The following FMNL2 variants were observed in gnomAD, a reference collection of about 807,000 sequenced individuals.
The protein encoded by FMNL2 is formin-like protein 2.
Under a neutral mutation model 130.2 loss-of-function variants are expected in FMNL2, and 51 were observed. The ratio of observed to expected loss-of-function variants is 0.39; its 90% confidence interval spans 0.31 to 0.49. FMNL2 has a LOEUF of 0.49. Ranked by LOEUF, FMNL2 falls within the 20% of genes least tolerant of loss-of-function variation. The pLI, the probability that FMNL2 is intolerant of heterozygous loss-of-function variation, is 0.85. For missense variants in FMNL2, 977 were observed against 1,316.2 expected, an observed-to-expected ratio of 0.74 and a Z score of 3.99; for synonymous variants, 465 against 467.1, an observed-to-expected ratio of 1.00 and a Z score of 0.06.
chr2:152,557,769 T>A (rs1239451332), intron 4 of FMNL2, among the ~76,000 whole-genome samples: 1 of 152,208 alleles, frequency 6.6e-6, no homozygotes, highest in Non-Finnish European at 1.5e-5. Flanking sequence ...CTGGTCAGAC[T>A]TTTTAGCTTG....
At chr2:152,624,043 T>TC (rs1449467880) in intron 15 of FMNL2, among the ~76,000 whole-genome samples, 7 of 11,392 alleles carry the variant, frequency 6.1e-4, no homozygotes, top group South Asian at 4.5e-3. Flanking sequence ...TTCCTTCCCT[T>TC]CCCTCCCCTC....
intron 9 of FMNL2, among the ~76,000 whole-genome samples, chr2:152,586,617 C>T (rs73008190): frequency 0.046 from 6,995 of 152,194 alleles, 548 homozygotes; most frequent in African/African-American, 0.16. Flanking sequence ...GAACTATAAG[C>T]AATGTATTCT....
At chr2:152,574,293 G>T (rs1696342296) in intron 6 of FMNL2, among the ~76,000 whole-genome samples, 1 of 151,610 alleles carries the variant, frequency 6.6e-6, no homozygotes, top group African/African-American at 2.4e-5. Flanking sequence ...AAAATTAGCG[G>T]GGCATGGTGG....
rs371211496 is a variant in FMNL2, at chr2:152,422,472, T to A, written c.117+86752T>A. Among the ~76,000 whole-genome samples, 23 of 152,328 alleles carry A rather than the reference T, an allele frequency of 1.5e-4. No homozygotes were observed. The East Asian group carries it at 4.2e-3, about 28-fold the overall frequency. On this transcript the variant is annotated intron_variant, in intron 1 of 25. Transcript: ENST00000288670. ...TTAATGGCTTTATTGAGGTATACTTTAAATGCCATAAAATTCACTCATTTT... is the reference window on the plus strand; with the variant it reads ...TTAATGGCTTTATTGAGGTATACTTAAAATGCCATAAAATTCACTCATTTT...
Position 152,611,569 on chromosome 2 carries a change from T to C in FMNL2, c.1026T>C (p.Tyr342=), listed in dbSNP as rs912975037. ...EDMNFRVHLQ[Y]EFTKLGLDEY... ...TGAATTTCAGAGTTCACCTGCAGTA[T>C]GAATTTACCAAATTAGGCCTGGACG... Residue 342 remains tyrosine, a synonymous_variant, in exon 11 of 26, where the codon TAT becomes TAC. Transcript: ENST00000288670. The C allele has an allele frequency of 3.1e-6, 5 of 1,604,316 alleles. No homozygotes were observed. Among genetic ancestry groups the C allele is most frequent in the Non-Finnish European group, 4.3e-6 (5 of 1,174,368 alleles).
intron 11 of FMNL2, among the ~76,000 whole-genome samples, chr2:152,614,443 G>A (rs146163328): frequency 1.3e-5 from 2 of 152,264 alleles, no homozygotes; most frequent in East Asian, 1.9e-4. Context: ...ACTATTTGTC[G>A]AAAAGAAAAC....
chr2:152,458,438 C>T (rs1225899177), intron 1 of FMNL2, among the ~76,000 whole-genome samples: 1 of 152,212 alleles, frequency 6.6e-6, no homozygotes, highest in African/African-American at 2.4e-5. Flanking sequence ...ATTTCTGACT[C>T]CCTGCCTGGG....
At chr2:152,434,894 C>A (rs1687669068) in intron 1 of FMNL2, among the ~76,000 whole-genome samples, 1 of 151,954 alleles carries the variant, frequency 6.6e-6, no homozygotes, top group South Asian at 2.1e-4. Flanking sequence ...CTGGGATGGC[C>A]CCTCAGAGCA....
chr2:152,338,820 TACACACACAC>T (rs58367779), intron 1 of FMNL2, among the ~76,000 whole-genome samples: 4 of 148,870 alleles, frequency 2.7e-5, no homozygotes, highest in Admixed American at 2.0e-4. Flanking sequence ...GAAGGTGAGA[TACACACACAC>T]ACACACACAC....
intron 1 of FMNL2, among the ~76,000 whole-genome samples, chr2:152,503,610 G>A (rs976214810): frequency 8.5e-5 from 13 of 152,146 alleles, no homozygotes; most frequent in African/African-American, 2.9e-4. Context: ...AGTTTGTCTA[G>A]GTTTGGGGGT....
At chr2:152,495,387 T>C (rs1357543655) in intron 1 of FMNL2, among the ~76,000 whole-genome samples, 3 of 152,062 alleles carry the variant, frequency 2.0e-5, no homozygotes, top group Non-Finnish European at 2.9e-5. Context: ...TGGTGACTCA[T>C]GCCTGTAATC....
intron 9 of FMNL2, among the ~76,000 whole-genome samples, chr2:152,593,860 A>AGAGAGAGTGTGTGTGT (rs1365489869): frequency 1.8e-5 from 2 of 113,292 alleles, no homozygotes; most frequent in Non-Finnish European, 3.4e-5. Context: ...AGAGAGAGAG[A>AGAGAGAGTGTGTGTGT]GTGTGTGTGT....
At chr2:152,505,608 G>A (rs185950525) in intron 1 of FMNL2, among the ~76,000 whole-genome samples, 4 of 152,134 alleles carry the variant, frequency 2.6e-5, no homozygotes, top group East Asian at 1.9e-4. Context: ...AGCCTAATTC[G>A]TCAGTAGCTT....
chr2:152,521,239 G>GA (rs1489095105), intron 1 of FMNL2, among the ~76,000 whole-genome samples: 2 of 152,150 alleles, frequency 1.3e-5, no homozygotes, highest in Non-Finnish European at 2.9e-5. Flanking sequence ...AAGTACCTGG[G>GA]AAAAAATCCA....
chr2:152,341,188 G>A (rs1042616604), intron 1 of FMNL2, among the ~76,000 whole-genome samples: 4 of 152,174 alleles, frequency 2.6e-5, no homozygotes, highest in Admixed American at 1.3e-4. Flanking sequence ...GTGGAAGAGG[G>A]GTGGTGGAGT....
intron 9 of FMNL2, among the ~76,000 whole-genome samples, chr2:152,605,301 C>CGTGTGCGTGTGT (rs544596925): frequency 8.7e-5 from 13 of 149,394 alleles, no homozygotes; most frequent in Admixed American, 7.3e-4. Flanking sequence ...TGCGTCTGTG[C>CGTGTGCGTGTGT]GTGTGCGTGT....
intron 9 of FMNL2, among the ~76,000 whole-genome samples, chr2:152,601,664 TTTC>T (rs1187623427): frequency 3.7e-4 from 30 of 80,418 alleles, no homozygotes; most frequent in Non-Finnish European, 7.7e-4. Context: ...TTTCTTTTCT[TTTC>T]TTTCTTTTTT....
chr2:152,404,914 G>A (rs1053362834), intron 1 of FMNL2, among the ~76,000 whole-genome samples: 3 of 152,180 alleles, frequency 2.0e-5, no homozygotes, highest in African/African-American at 4.8e-5. Context: ...CTTAAGATAA[G>A]CAGAGCCTCC....
At chr2:152,428,132 C>G (rs1687291953) in intron 1 of FMNL2, among the ~76,000 whole-genome samples, 1 of 152,208 alleles carries the variant, frequency 6.6e-6, no homozygotes, top group Admixed American at 6.5e-5. Context: ...TCAACCCATT[C>G]TTGCCAACTT....
Sources: gnomAD v4.1 joint callset for allele counts (sites outside exome capture counted in the v4.1 genomes callset) on GRCh38, gnomAD v4.1.1 for gene constraint, MANE v1.5 for transcripts, NCBI Gene and HGNC (gene_info 2026-07-23, HGNC 2026-07-21) for gene names.